FBXO28: variants seen among roughly 807,000 people sequenced by gnomAD.
FBXO28 encodes the protein F-box protein 28, also known as F-box only protein 28.
A neutral mutation model predicts 38.1 loss-of-function variants in FBXO28; 8 were observed. The observed-to-expected ratio is 0.21, with a 90% confidence interval of 0.12 to 0.38. The LOEUF is 0.38. FBXO28 is among the 10% of genes least tolerant of loss of function. The pLI, the probability that FBXO28 is intolerant of heterozygous loss-of-function variation, is 1.00. For missense variants in FBXO28, 345 were observed against 460.6 expected (o/e 0.75, Z 2.30); for synonymous variants, 168 against 173.8 (o/e 0.97, Z 0.26).
At chr1:224,151,096 G>C (rs1193734811) in intron 3 of FBXO28, among the ~76,000 whole-genome samples, 1 of 152,094 alleles carries the variant, frequency 6.6e-6, no homozygotes, top group African/African-American at 2.4e-5. Context: ...TTGGGGAAAG[G>C]GGTTATCTTC....
chr1:224,142,836 C>A (rs1657393662), intron 3 of FBXO28, among the ~76,000 whole-genome samples: 1 of 151,820 alleles, frequency 6.6e-6, no homozygotes, highest in Non-Finnish European at 1.5e-5. Context: ...ATCCCAGCCA[C>A]TCGGGAGGCT....
At chr1:224,125,113 C>CTT (rs75177885) in intron 1 of FBXO28, among the ~76,000 whole-genome samples, 6 of 144,386 alleles carry the variant, frequency 4.2e-5, no homozygotes, top group African/African-American at 7.6e-5. Flanking sequence ...AATAATTTTT[C>CTT]TTTTTTTTTT....
intron 1 of FBXO28, among the ~76,000 whole-genome samples, chr1:224,123,220 T>A (rs12738343): frequency 6.6e-6 from 1 of 152,070 alleles, no homozygotes; most frequent in African/African-American, 2.4e-5. Context: ...TGGTTCTCTG[T>A]TTATCTTACA....
Position 224,128,247 on chromosome 1 carries a change from T to TA in FBXO28, c.268-2225_268-2224insA, listed in dbSNP as rs370610540. Among the ~76,000 whole-genome samples, 974 of 149,886 alleles carry TA rather than the reference T, an allele frequency of 6.5e-3. 9 individuals carry two copies. Among genetic ancestry groups the TA allele is most frequent in the African/African-American group, 0.022 (884 of 40,244 alleles). On this transcript the variant is annotated intron_variant, in intron 1 of 4. Transcript: ENST00000366862. ...TGTCTTTTTTTATTATTATTATTATTTTTTTTTATTTTATTTTTTTAACTG... is the reference window on the plus strand; with the variant it reads ...TGTCTTTTTTTATTATTATTATTATTATTTTTTTATTTTATTTTTTTAACTG...
At chr1:224,121,932 C>A (rs139253824) in intron 1 of FBXO28, among the ~76,000 whole-genome samples, 1 of 152,142 alleles carries the variant, frequency 6.6e-6, no homozygotes, top group Non-Finnish European at 1.5e-5. Context: ...TGCACCACCA[C>A]GCCTGGCTAA....
At chr1:224,114,482 G>A in intron 1 of FBXO28, 86 bp downstream of exon 1, 1 of 1,200,200 alleles carries the variant, frequency 8.3e-7, no homozygotes, top group African/African-American at 1.6e-5. Context: ...CGGGAAGGGA[G>A]CCCCCCGCGA....
intron 4 of FBXO28, 115 bp downstream of exon 4, chr1:224,153,452 C>G: frequency 1.5e-6 from 1 of 683,534 alleles, no homozygotes; most frequent in African/African-American, 1.8e-5. Flanking sequence ...TTGGCAGCAT[C>G]ATTTTTAATG....
intron 1 of FBXO28, among the ~76,000 whole-genome samples, chr1:224,126,071 C>G (rs1656896208): frequency 6.6e-6 from 1 of 152,210 alleles, no homozygotes; most frequent in African/African-American, 2.4e-5. Flanking sequence ...AGACTTTGTG[C>G]CTTTGCATAC....
chr1:224,148,501 AAG>A lies in FBXO28; in HGVS notation c.517-4637_517-4636del, dbSNP rs943425891. Among the ~76,000 whole-genome samples the A allele has an allele frequency of 2.5e-3, 375 of 151,762 alleles. 1 individual carries two copies. The highest frequency in any genetic ancestry group is 8.6e-3 in the African/African-American group (353 of 41,208). ...CTGTCTCTACTAAAAATACAAAAAA[AAG>A]AGAAAAAAATTCGCCAGGTGTGGTG... On this transcript the variant is annotated intron_variant, in intron 3 of 4. Coordinates refer to ENST00000366862, the MANE Select transcript of FBXO28 (RefSeq NM_015176.4).
chr1:224,140,111 C>CT (rs1224578947), intron 3 of FBXO28, among the ~76,000 whole-genome samples: 1 of 151,970 alleles, frequency 6.6e-6, no homozygotes, highest in Admixed American at 6.6e-5. Flanking sequence ...AATATAAATA[C>CT]TTTTTTTTCC....
chr1:224,154,222 T>A (rs7520956), intron 4 of FBXO28, among the ~76,000 whole-genome samples: 18,958 of 152,206 alleles, frequency 0.12, 1,183 homozygotes, highest in South Asian at 0.17. Context: ...GGCAAAATTA[T>A]CTAGCAAAGC....
intron 3 of FBXO28, among the ~76,000 whole-genome samples, chr1:224,150,785 T>C (rs1288967271): frequency 1.3e-5 from 2 of 152,200 alleles, no homozygotes; most frequent in African/African-American, 4.8e-5. Flanking sequence ...CCATCTCATG[T>C]TATTCCTGCC....
chr1:224,138,710 T>TA (rs1413645224), intron 3 of FBXO28, among the ~76,000 whole-genome samples: 10 of 151,624 alleles, frequency 6.6e-5, no homozygotes, highest in African/African-American at 2.4e-4. Flanking sequence ...AACATGTGGA[T>TA]AGTCTCTGCT....
rs1000485592 is a variant in FBXO28, at chr1:224,157,740, A to G, written c.1101A>G (p.Arg367=). ...SLRKSKRLRN[R]K is the part of the protein sequence containing the mutation. ...GGAAATCTAAACGTCTTCGGAATAG[A>G]AAGTAAATTGGAATGTGGTTCTAGT... The change falls in exon 5 of 5, where the codon AGA becomes AGG. Residue 367 remains arginine, a synonymous_variant. Coordinates refer to ENST00000366862, the MANE Select transcript of FBXO28 (RefSeq NM_015176.4). 4 of 1,597,332 alleles carry G rather than the reference A, an allele frequency of 2.5e-6. No individual in the cohort carries two copies. The African/African-American group carries it at 5.4e-5, about 22-fold the overall frequency.
At chr1:224,114,463 C>T in intron 1 of FBXO28, 67 bp downstream of exon 1, 1 of 1,340,944 alleles carries the variant, frequency 7.5e-7, no homozygotes, top group Non-Finnish European at 1.0e-6. Context: ...GAGAAGGGAG[C>T]GCGTTCCCCG....
intron 3 of FBXO28, among the ~76,000 whole-genome samples, chr1:224,142,127 G>A (rs532505085): frequency 2.6e-5 from 4 of 151,802 alleles, no homozygotes; most frequent in South Asian, 2.1e-4. Flanking sequence ...CGAGGCAGGC[G>A]GATCACCTGA....
chr1:224,134,846 G>A (rs745929495), intron 3 of FBXO28, among the ~76,000 whole-genome samples: 31 of 152,232 alleles, frequency 2.0e-4, no homozygotes, highest in Non-Finnish European at 1.0e-4. Flanking sequence ...TTTTTATATG[G>A]AAGTGGTAGA....
chr1:224,137,006 C>T (rs373329780), intron 3 of FBXO28, among the ~76,000 whole-genome samples: 1 of 151,218 alleles, frequency 6.6e-6, no homozygotes, highest in Non-Finnish European at 1.5e-5. Context: ...CCTGCCTTGG[C>T]CTCCCAAAGT....
rs1657830861 is a variant in FBXO28, at chr1:224,158,850, AT to A, written c.*1106del. Reference sequence around the variant, plus strand: ...AATTGTACCATGAAAAAGCATTTTGATTATTTCATTTCTGGAGGATGACCTT... The same window carrying A: ...AATTGTACCATGAAAAAGCATTTTGATATTTCATTTCTGGAGGATGACCTT... On this transcript the variant is annotated 3_prime_UTR_variant, in exon 5 of 5. Coordinates refer to ENST00000366862, the MANE Select transcript of FBXO28 (RefSeq NM_015176.4). 6.6e-6 allele frequency: 1 copy of A among 152,600 alleles called. No individual in the cohort carries two copies. The highest frequency in any genetic ancestry group is 6.5e-5 in the Admixed American group (1 of 15,274). 9.5% of individuals were successfully genotyped at this position (152,600 alleles called of 1,614,324 possible). A position where few individuals can be genotyped will look rare whatever the true frequency, so the allele number is the denominator to read the frequency against.
Sources: allele counts gnomAD v4.1 joint callset (sites outside exome capture counted in the v4.1 genomes callset), GRCh38; gene constraint gnomAD v4.1.1; transcripts MANE v1.5; gene names NCBI Gene and HGNC (gene_info 2026-07-23, HGNC 2026-07-21).